Variants in CHD2 observed in about 807,000 individuals in gnomAD.
The protein encoded by CHD2 is chromodomain helicase DNA binding protein 2.
Under a neutral mutation model 243.9 loss-of-function variants are expected in CHD2, and 28 were observed. The observed-to-expected ratio is 0.11, with a 90% CI of 0.09 to 0.16. CHD2 has a LOEUF of 0.16. Among genes scored for constraint, CHD2 ranks in the 10% least tolerant of loss-of-function variants. The pLI is 1.00. For synonymous variants in CHD2, 775 were observed against 779.0 expected, an observed-to-expected ratio of 0.99 and a Z score of 0.09; for missense variants, 1,386 against 2,209.8, an observed-to-expected ratio of 0.63 and a Z score of 7.47.
rs1446336679 is a variant in CHD2 at position 92,998,010 on chromosome 15, C to CTTA, written c.3886-488_3886-486dup. 1 of 196,364 alleles carries CTTA rather than the reference C, an allele frequency of 5.1e-6. No homozygotes were observed. The highest frequency in any genetic ancestry group is 9.3e-6 in the Non-Finnish European group (1 of 107,078). The allele number at this position is 196,364 out of a possible 1,614,324, so 12.2% of individuals were successfully genotyped here. ...TTTTAGGAGGGTGACAGCACCCTGC[C>CTTA]TTAAGCACTGAGACCAGATTCAGTC... On this transcript the variant is annotated intron_variant, in intron 30 of 38. Coordinates refer to ENST00000394196, the MANE Select transcript of CHD2 (RefSeq NM_001271.4). The surrounding 1 kb of genome is among the most constrained non-coding windows in gnomAD (Gnocchi z 5.1).
At chr15:92,965,529 A>C (rs2053747089) in intron 16 of CHD2, among the ~76,000 whole-genome samples, 2 of 141,788 alleles carry the variant, frequency 1.4e-5, no homozygotes, top group African/African-American at 2.7e-5. Context: ...GCACCACTGC[A>C]CTCCAGCCTG....
intron 26 of CHD2, among the ~76,000 whole-genome samples, chr15:92,986,498 C>T (rs564136778): frequency 4.0e-5 from 6 of 148,336 alleles, no homozygotes; most frequent in Non-Finnish European, 8.8e-5. Flanking sequence ...TTTCAAAATA[C>T]TGACAGAATA....
At chr15:92,919,397 CT>C (rs879772529) in intron 2 of CHD2, among the ~76,000 whole-genome samples, 115 of 145,432 alleles carry the variant, frequency 7.9e-4, no homozygotes, top group Non-Finnish European at 8.5e-4. Flanking sequence ...TTTAAAAACA[CT>C]TTTTTTTTTT....
At chr15:92,935,564 T>TGGTGA (rs1302345424) in intron 5 of CHD2, among the ~76,000 whole-genome samples, 95 of 152,334 alleles carry the variant, frequency 6.2e-4, no homozygotes, top group Admixed American at 1.3e-3. Flanking sequence ...TCTGAAGGAC[T>TGGTGA]AGCTGTTCAT....
chr15:92,938,800 T>TTAG (rs1414970803), intron 6 of CHD2, among the ~76,000 whole-genome samples: 1 of 152,208 alleles, frequency 6.6e-6, no homozygotes, highest in African/African-American at 2.4e-5. Context: ...GGGGATTTCC[T>TTAG]TAGGTGAGCT....
chr15:92,941,792 C>G, intron 7 of CHD2, 30 bp from the exon 8 acceptor site: 1 of 1,606,750 alleles, frequency 6.2e-7, no homozygotes, highest in Non-Finnish European at 8.5e-7. Context: ...GAGATCATTT[C>G]TCATTTATTC....
At chr15:92,909,035 C>T (rs190005995) in intron 2 of CHD2, among the ~76,000 whole-genome samples, 255 of 151,640 alleles carry the variant, frequency 1.7e-3, no homozygotes, top group African/African-American at 5.8e-3. Flanking sequence ...CGGACAATCT[C>T]CTGAAGCTGG....
chr15:92,900,437 G>C lies in CHD2; in HGVS notation c.-459G>C, dbSNP rs975065470. The C allele has an allele frequency of 7.6e-6, 3 of 396,288 alleles. No homozygotes were observed. The highest frequency in any genetic ancestry group is 6.2e-5 in the African/African-American group (3 of 48,530). The allele number at this position is 396,288 out of a possible 1,614,324, so 24.5% of individuals were successfully genotyped here. ...CCTAACTTTCGGGCAGCCTCAGGGG[G>C]CCCCCGTAGCCCCCTGCCTTTCCTA... On this transcript the variant is annotated 5_prime_UTR_variant, in exon 1 of 39. Transcript: ENST00000394196.
chr15:92,937,592 A>G lies in CHD2; in HGVS notation c.518A>G (p.Lys173Arg). The G allele has an allele frequency of 6.2e-7, 1 of 1,613,920 alleles. No individual in the cohort carries two copies. Among genetic ancestry groups the G allele is most frequent in the Non-Finnish European group, 8.5e-7 (1 of 1,179,880 alleles). ...AGTGCAGAGAGTGAGCCAGAACAAA[A>G]AAAAGTAAAAGCCAGAAGACCTGTC... The part of the protein sequence containing the change: ...GTSAESEPEQ[K>R]KVKARRPVPR... The change falls in exon 6 of 39, where the codon AAA (lysine) becomes AGA (arginine). Residue 173 changes from lysine (K) to arginine (R), a missense_variant. Around this residue, in one of 19 missense-constraint regions of CHD2, gnomAD observed 90 missense variants for 78.0 expected, o/e 1.15. Coordinates refer to ENST00000394196, the MANE Select transcript of CHD2 (RefSeq NM_001271.4).
At chr15:92,978,142 C>G in intron 20 of CHD2, 92 bp from the exon 21 acceptor site, 2 of 1,468,474 alleles carry the variant, frequency 1.4e-6, no homozygotes, top group Non-Finnish European at 1.9e-6. Context: ...TTCTTCACAC[C>G]TGCAGGGGTT....
intron 9 of CHD2, 116 bp downstream of exon 9, chr15:92,943,184 C>G (rs1441665101): frequency 1.3e-6 from 1 of 762,780 alleles, no homozygotes; most frequent in Admixed American, 2.7e-5. Flanking sequence ...CTTTGATCAT[C>G]TAAACATGGA....
At position 92,972,448 on chromosome 15, in the gene CHD2, G is replaced by C. The variant is rs375878245; in HGVS notation, c.2505+31G>C. The C allele has an allele frequency of 6.5e-6, 10 of 1,548,776 alleles. No homozygotes were observed. The African/African-American group carries it at 1.1e-4, about 17-fold the overall frequency. On this transcript the variant is annotated intron_variant, in intron 19 of 38. Transcript: ENST00000394196. The stretch of plus-strand genomic sequence containing the variant: ...GTGATTTCAGTAATTGCTGTGGGGG[G>C]AATCAATCTCTCTCTCCGCCTCCCC...
At position 93,014,518 on chromosome 15, in the gene CHD2, C is replaced by T. The variant is rs62023154; in HGVS notation, c.4693-178C>T. 0.12 allele frequency among the ~76,000 whole-genome samples: 17,533 copies of T among 152,194 alleles called. 1,333 individuals carry two copies. The highest frequency in any genetic ancestry group is 0.17 in the Non-Finnish European group (11,611 of 67,988). ...CTCAGCATAAATTCCACTGAGTTCC[C>T]CCAGCAAATAGCCTAACAGTGGAAT... is the stretch of plus-strand genomic sequence containing the variant. On this transcript the variant is annotated intron_variant, in intron 36 of 38. Transcript: ENST00000394196.
intron 16 of CHD2, among the ~76,000 whole-genome samples, chr15:92,963,929 A>G (rs1422042020): frequency 1.3e-5 from 2 of 152,242 alleles, no homozygotes; most frequent in East Asian, 3.8e-4. Context: ...TGTAGTTTCT[A>G]CCAGTGAATA....
intron 3 of CHD2, among the ~76,000 whole-genome samples, chr15:92,926,028 G>A (rs1312939521): frequency 6.6e-6 from 1 of 152,210 alleles, no homozygotes; most frequent in East Asian, 1.9e-4. Flanking sequence ...CTGGAGTGCA[G>A]TGGTGCAATC....
At chr15:93,014,617 T>G in intron 36 of CHD2, 79 bp from the exon 37 acceptor site, 1 of 1,280,068 alleles carries the variant, frequency 7.8e-7, no homozygotes, top group Non-Finnish European at 1.1e-6. Flanking sequence ...AGGAGCTGTT[T>G]AGAGGTGATA....
intron 10 of CHD2, 87 bp from the exon 11 acceptor site, chr15:92,945,734 A>G (rs1567136868): frequency 1.2e-6 from 1 of 800,940 alleles, no homozygotes; most frequent in Non-Finnish European, 1.9e-6. Flanking sequence ...AGGTAGTAGA[A>G]TATATTTACA....
At chr15:92,955,950 T>C (rs896369783) in intron 15 of CHD2, among the ~76,000 whole-genome samples, 1 of 152,212 alleles carries the variant, frequency 6.6e-6, no homozygotes, top group African/African-American at 2.4e-5. Context: ...GAAAAGATGA[T>C]GTGAATGGTC....
intron 16 of CHD2, among the ~76,000 whole-genome samples, chr15:92,964,058 ATGGG>A (rs2053723839): frequency 6.6e-6 from 1 of 152,236 alleles, no homozygotes; most frequent in Non-Finnish European, 1.5e-5. Context: ...TCCACTCAGC[ATGGG>A]CTATGTTTGG....
Sources: gnomAD v4.1 joint callset for allele counts (sites outside exome capture counted in the v4.1 genomes callset) on GRCh38, gnomAD v4.1.1 for gene constraint, gnomAD v4.1.1 regional missense constraint, Gnocchi (gnomAD v3.1) non-coding constraint, MANE v1.5 for transcripts, NCBI Gene and HGNC (gene_info 2026-07-23, HGNC 2026-07-21) for gene names.